The following AKAP7 variants were observed in gnomAD, a reference collection of about 807,000 sequenced individuals.
The protein encoded by AKAP7 is A kinase (PRKA) anchor protein 7.
AKAP7 carries 39 observed loss-of-function variants against 39.5 expected under a neutral mutation model. That is an observed-to-expected ratio of 0.99 (90% confidence interval 0.76 to 1.29). The LOEUF is 1.29. AKAP7 is among the 50% of genes most tolerant of loss of function. AKAP7 has a pLI of 0.00. For missense variants in AKAP7, 414 were observed against 407.7 expected, an observed-to-expected ratio of 1.02 and a Z score of -0.13; for synonymous variants, 140 against 139.1, an observed-to-expected ratio of 1.01 and a Z score of -0.05.
chr6:131,150,427 C>T (rs1166585647), intron 2 of AKAP7, among the ~76,000 whole-genome samples: 1 of 152,050 alleles, frequency 6.6e-6, no homozygotes, highest in Non-Finnish European at 1.5e-5. Context: ...AAGATCGAAT[C>T]TTTGTACTTG....
intron 5 of AKAP7, among the ~76,000 whole-genome samples, chr6:131,186,215 G>C (rs1805842516): frequency 6.6e-6 from 1 of 152,120 alleles, no homozygotes; most frequent in South Asian, 2.1e-4. Context: ...GTTCTTGTGA[G>C]ATCTGGTCAT....
intron 2 of AKAP7, among the ~76,000 whole-genome samples, chr6:131,157,571 A>T (rs920498878): frequency 5.9e-5 from 9 of 152,212 alleles, no homozygotes; most frequent in Non-Finnish European, 8.8e-5. Context: ...GATGTGTAAA[A>T]TTGCAGGCAG....
At chr6:131,141,899 CTTTTTTTTTTTT>C in intron 1 of AKAP7, among the ~76,000 whole-genome samples, 1 of 116,234 alleles carries the variant, frequency 8.6e-6, no homozygotes, top group Admixed American at 8.8e-5. Context: ...TTCTTTCTTT[CTTTTTTTTTTTT>C]TTTTTTTGCA....
intron 4 of AKAP7, among the ~76,000 whole-genome samples, chr6:131,165,519 A>G (rs1346599272): frequency 6.6e-6 from 1 of 152,196 alleles, no homozygotes; most frequent in African/African-American, 2.4e-5. Flanking sequence ...TTCTGGAATC[A>G]TGGCAAAACC....
intron 2 of AKAP7, among the ~76,000 whole-genome samples, chr6:131,145,970 A>T (rs1801452900): frequency 6.6e-6 from 1 of 152,204 alleles, no homozygotes; most frequent in African/African-American, 2.4e-5. Flanking sequence ...GACGTGTGTC[A>T]CAAAATGTTG....
At chr6:131,159,154 C>A (rs903778059) in intron 2 of AKAP7, among the ~76,000 whole-genome samples, 1 of 152,034 alleles carries the variant, frequency 6.6e-6, no homozygotes, top group Non-Finnish European at 1.5e-5. Context: ...ACTGCAGTGG[C>A]GCCATCTCGG....
intron 6 of AKAP7, among the ~76,000 whole-genome samples, chr6:131,218,763 A>G (rs910056937): frequency 1.2e-4 from 18 of 152,118 alleles, no homozygotes; most frequent in Non-Finnish European, 2.5e-4. Flanking sequence ...AATACACTGA[A>G]AGTAAGGAGG....
the AKAP7 span, among the ~76,000 whole-genome samples, chr6:131,125,850 T>C: frequency 6.6e-6 from 1 of 152,222 alleles, no homozygotes; most frequent in Non-Finnish European, 1.5e-5. Flanking sequence ...TATTAATGTA[T>C]GCTGCTTGTT....
At chr6:131,270,433 T>C (rs754500603) in intron 7 of AKAP7, among the ~76,000 whole-genome samples, 3 of 152,236 alleles carry the variant, frequency 2.0e-5, no homozygotes, top group Non-Finnish European at 4.4e-5. Flanking sequence ...ATCCATTGCA[T>C]GGATTTACCA....
intron 7 of AKAP7, among the ~76,000 whole-genome samples, chr6:131,251,933 C>T (rs1337218365): frequency 6.6e-6 from 1 of 152,226 alleles, no homozygotes; most frequent in Non-Finnish European, 1.5e-5. Flanking sequence ...GGGAATGCTC[C>T]TCTCTGAAAA....
chr6:131,245,357 G>C (rs916679442), intron 7 of AKAP7, among the ~76,000 whole-genome samples: 1 of 149,416 alleles, frequency 6.7e-6, no homozygotes, highest in African/African-American at 2.5e-5. Context: ...CAATTCTCCT[G>C]CCTCAGCATC....
Position 131,282,208 on chromosome 6 carries a change from A to C in AKAP7, c.*482A>C. The C allele has an allele frequency of 7.7e-7, 1 of 1,305,076 alleles. No individual in the cohort carries two copies. The highest frequency in any genetic ancestry group is 9.7e-7 in the Non-Finnish European group (1 of 1,032,182). 80.8% of individuals were successfully genotyped at this position (1,305,076 alleles called of 1,614,324 possible). A position where few individuals can be genotyped will look rare whatever the true frequency, so the allele number is the denominator to read the frequency against. On this transcript the variant is annotated 3_prime_UTR_variant, in exon 8 of 8. Coordinates refer to ENST00000431975, the MANE Select transcript of AKAP7 (RefSeq NM_016377.4). Reference sequence around the variant, plus strand: ...TCCATAATGTTTCATGTTTGTCCTAAGTGTGCTGTTGCTATGCAGTGTGAT... The same window carrying C: ...TCCATAATGTTTCATGTTTGTCCTACGTGTGCTGTTGCTATGCAGTGTGAT...
chr6:131,211,973 T>C (rs926834202), intron 6 of AKAP7, among the ~76,000 whole-genome samples: 1 of 152,166 alleles, frequency 6.6e-6, no homozygotes, highest in Non-Finnish European at 1.5e-5. Flanking sequence ...TCAGAACACT[T>C]ACATTAGCCT....
At chr6:131,189,592 A>T (rs764640527) in intron 5 of AKAP7, among the ~76,000 whole-genome samples, 1 of 152,182 alleles carries the variant, frequency 6.6e-6, no homozygotes, top group East Asian at 1.9e-4. Context: ...TAAGATTATT[A>T]TGTAAATTTA....
intron 7 of AKAP7, among the ~76,000 whole-genome samples, chr6:131,271,836 T>C (rs1814310783): frequency 6.6e-6 from 1 of 152,192 alleles, no homozygotes; most frequent in African/African-American, 2.4e-5. Flanking sequence ...ATAGGTACAT[T>C]GCGGTTTAAA....
Position 131,165,080 on chromosome 6 carries a change from G to C in AKAP7, c.292-1G>C, listed in dbSNP as rs1306168094. Reference sequence around the variant, plus strand: ...TTTTATATGTGTGTATGTGTTATTAGATTATAAAAGGAATTAAGATCCTGC... The same window carrying C: ...TTTTATATGTGTGTATGTGTTATTACATTATAAAAGGAATTAAGATCCTGC... On this transcript the variant is annotated splice_acceptor_variant, in intron 3 of 7. Transcript: ENST00000431975. LOFTEE classifies it high-confidence loss of function. 6.3e-7 allele frequency: 1 copy of C among 1,594,634 alleles called. No homozygotes were observed. The highest frequency in any genetic ancestry group is 1.4e-5 in the African/African-American group (1 of 73,726).
chr6:131,212,176 G>A (rs533073506), intron 6 of AKAP7, among the ~76,000 whole-genome samples: 24 of 152,308 alleles, frequency 1.6e-4, no homozygotes, highest in Non-Finnish European at 2.8e-4. Context: ...ATCATCCTAA[G>A]TCAGGGACGA....
the AKAP7 span, among the ~76,000 whole-genome samples, chr6:131,129,132 C>T: frequency 3.0e-3 from 452 of 151,726 alleles, 2 homozygotes; most frequent in African/African-American, 0.011. Context: ...ACTAAAAATA[C>T]AAAAATTAGC....
intron 5 of AKAP7, among the ~76,000 whole-genome samples, chr6:131,178,899 C>T (rs1266592628): frequency 6.6e-6 from 1 of 152,174 alleles, no homozygotes; most frequent in Middle Eastern, 3.2e-3. Context: ...TATCGTGGTC[C>T]TCTCTCCCTG....
Sources: gnomAD v4.1 joint callset for allele counts (sites outside exome capture counted in the v4.1 genomes callset) on GRCh38, gnomAD v4.1.1 for gene constraint, MANE v1.5 for transcripts, NCBI Gene and HGNC (gene_info 2026-07-23, HGNC 2026-07-21) for gene names.